The following RAP1GAP2 variants were observed in gnomAD, a reference collection of about 807,000 sequenced individuals.
RAP1GAP2 encodes RAP1 GTPase activating protein 2.
In RAP1GAP2, 27 loss-of-function variants were observed where a neutral mutation model predicts 95.0. The observed-to-expected ratio is 0.28, with a 90% CI of 0.21 to 0.39. The LOEUF is 0.39. RAP1GAP2 is among the 10% of genes least tolerant of loss of function. The probability of loss-of-function intolerance (pLI) is 1.00; values close to 1 mark genes in which losing one functional copy is unlikely to be tolerated. For missense variants in RAP1GAP2, 771 were observed against 970.0 expected (o/e 0.79, Z 2.72); for synonymous variants, 373 against 380.9 (o/e 0.98, Z 0.24).
chr17:2,906,671 G>T lies in RAP1GAP2; in HGVS notation c.165+1303G>T, dbSNP rs1277279362. 2.0e-5 allele frequency among the ~76,000 whole-genome samples: 3 copies of T among 152,054 alleles called. No homozygotes were observed. The highest frequency in any genetic ancestry group is 2.9e-5 in the Non-Finnish European group (2 of 68,024). On this transcript the variant is annotated intron_variant, in intron 3 of 24. Transcript: ENST00000254695. This position sits in a 1 kb window ranked among gnomAD's most constrained non-coding sequence, Gnocchi z 4.3. ...GCTAAGAAGCCTGTCACCATTCCGA[G>T]TGTCCCCTTGGTCTACAAAGGTGGC...
intron 24 of RAP1GAP2, 145 bp downstream of exon 24, chr17:3,032,594 A>G: frequency 1.3e-6 from 1 of 796,368 alleles, no homozygotes. Flanking sequence ...CTCGCCCCTG[A>G]AGACCTGCAA....
chr17:2,790,956 G>A (rs2068908985), intron 1 of RAP1GAP2, among the ~76,000 whole-genome samples: 1 of 152,256 alleles, frequency 6.6e-6, no homozygotes, highest in African/African-American at 2.4e-5. Flanking sequence ...TGTAATCCCA[G>A]CACTTTGGGA....
intron 13 of RAP1GAP2, 117 bp downstream of exon 13, chr17:2,995,583 T>A: frequency 7.2e-7 from 1 of 1,387,888 alleles, no homozygotes; most frequent in South Asian, 1.3e-5. Context: ...AGCCGGCCAT[T>A]CGTTCAGCTG....
chr17:2,962,828 T>A, intron 5 of RAP1GAP2, 114 bp downstream of exon 5: 3 of 1,027,804 alleles, frequency 2.9e-6, no homozygotes, highest in Middle Eastern at 3.1e-4. Context: ...CCTGTCTAAC[T>A]CTGACTCGCA....
chr17:2,808,452 G>A (rs188960861), intron 2 of RAP1GAP2, among the ~76,000 whole-genome samples: 1 of 152,150 alleles, frequency 6.6e-6, no homozygotes, highest in Non-Finnish European at 1.5e-5. Flanking sequence ...CTCCTGTTTG[G>A]TCTGTCTGAG....
At chr17:2,860,362 C>T (rs1467264016) in intron 2 of RAP1GAP2, among the ~76,000 whole-genome samples, 2 of 152,150 alleles carry the variant, frequency 1.3e-5, no homozygotes, top group Admixed American at 6.5e-5. Context: ...CTATTCACTT[C>T]ACCAAAGGTC....
At chr17:2,917,121 C>T (rs2042597781) in intron 3 of RAP1GAP2, among the ~76,000 whole-genome samples, 1 of 152,216 alleles carries the variant, frequency 6.6e-6, no homozygotes, top group African/African-American at 2.4e-5. Context: ...ATCCTGCCTG[C>T]CACAGGGGCG....
At chr17:2,890,365 G>A (rs2073665864) in intron 2 of RAP1GAP2, among the ~76,000 whole-genome samples, 1 of 152,122 alleles carries the variant, frequency 6.6e-6, no homozygotes, top group Non-Finnish European at 1.5e-5. Flanking sequence ...ACCAATGATG[G>A]AAGCTCCTAA....
chr17:2,928,394 G>T (rs1195131570), intron 3 of RAP1GAP2, among the ~76,000 whole-genome samples: 1 of 152,088 alleles, frequency 6.6e-6, no homozygotes, highest in African/African-American at 2.4e-5. Context: ...GAGGACCAGG[G>T]GCACCCTCTG....
chr17:3,003,061 C>T lies in RAP1GAP2; in HGVS notation c.1201-2308C>T, dbSNP rs1207385363. 1.3e-5 allele frequency among the ~76,000 whole-genome samples: 2 copies of T among 152,136 alleles called. No individual in the cohort carries two copies. Among genetic ancestry groups the T allele is most frequent in the East Asian group, 1.9e-4 (1 of 5,188 alleles). On this transcript the variant is annotated intron_variant, in intron 14 of 24. Coordinates refer to ENST00000254695, the MANE Select transcript of RAP1GAP2 (RefSeq NM_015085.5). This position sits in a 1 kb window ranked among gnomAD's most constrained non-coding sequence, Gnocchi z 4.1. ...CCAGGCACGGTGCTGGGTCCTTAGACGCACAGTCTTGAATCCTGACAAGCC... is the reference window on the plus strand; with the variant it reads ...CCAGGCACGGTGCTGGGTCCTTAGATGCACAGTCTTGAATCCTGACAAGCC...
rs1045009887 is a variant in RAP1GAP2 at position 3,008,590 on chromosome 17, C to T, written c.1494+445C>T. On this transcript the variant is annotated intron_variant, in intron 17 of 24. Transcript: ENST00000254695. This position sits in a 1 kb window ranked among gnomAD's most constrained non-coding sequence, Gnocchi z 4.2. Reference sequence around the variant, plus strand: ...CAGTGATTCTTCCTAGCCAGCCGGCCGAGCATTGGAAGACCTGGCTGGGCA... The same window carrying T: ...CAGTGATTCTTCCTAGCCAGCCGGCTGAGCATTGGAAGACCTGGCTGGGCA... Among the ~76,000 whole-genome samples the T allele has an allele frequency of 1.3e-4, 20 of 152,154 alleles. No homozygotes were observed. The highest frequency in any genetic ancestry group is 4.1e-4 in the African/African-American group (17 of 41,424).
intron 1 of RAP1GAP2, among the ~76,000 whole-genome samples, chr17:2,779,643 C>CAGAGGAGGGCGAGGGG (rs145979384): frequency 0.11 from 16,153 of 151,796 alleles, 1,136 homozygotes; most frequent in East Asian, 0.34. Flanking sequence ...CAGCACTGGG[C>CAGAGGAGGGCGAGGGG]AGAGGAGGGC....
Position 2,963,348 on chromosome 17 carries a change from C to T in RAP1GAP2, c.247-82C>T. 1.3e-6 allele frequency: 2 copies of T among 1,524,428 alleles called. No homozygotes were observed. Among genetic ancestry groups the T allele is most frequent in the East Asian group, 4.5e-5 (2 of 44,218 alleles). The allele number at this position is 1,524,428 out of a possible 1,614,324, so 94.4% of individuals were successfully genotyped here. A position where few individuals can be genotyped will look rare whatever the true frequency, so the allele number is the denominator to read the frequency against. ...CTCAAAGCCCCCCCACAACATATCC[C>T]CCTTGCAAGACCTGGAAACAGTGGT... On this transcript the variant is annotated intron_variant, in intron 5 of 24. Transcript: ENST00000254695. The surrounding 1 kb of genome is among the most constrained non-coding windows in gnomAD (Gnocchi z 4.8).
At chr17:2,839,066 G>A (rs995496214) in intron 2 of RAP1GAP2, among the ~76,000 whole-genome samples, 1 of 152,102 alleles carries the variant, frequency 6.6e-6, no homozygotes, top group African/African-American at 2.4e-5. Context: ...ACTTTTGGAG[G>A]CCAAGGCAGG....
In RAP1GAP2 at chr17:3,003,298, A is replaced by G. The variant is rs1353950849; in HGVS notation, c.1201-2071A>G. ...CATCACTCTGGATTATTTTTCAGAA[A>G]TGAGTGTAGTCCTCATCCTGCCTGC... is the stretch of plus-strand genomic sequence containing the variant. On this transcript the variant is annotated intron_variant, in intron 14 of 24. Coordinates refer to ENST00000254695, the MANE Select transcript of RAP1GAP2 (RefSeq NM_015085.5). The surrounding 1 kb of genome is among the most constrained non-coding windows in gnomAD (Gnocchi z 4.1). Among the ~76,000 whole-genome samples the G allele has an allele frequency of 6.6e-6, 1 of 152,126 alleles. No homozygotes were observed. Among genetic ancestry groups the G allele is most frequent in the Non-Finnish European group, 1.5e-5 (1 of 68,018 alleles).
rs954521775 is a variant in RAP1GAP2, at chr17:2,871,667, G to T, written c.81-33617G>T. 6.6e-6 allele frequency among the ~76,000 whole-genome samples: 1 copy of T among 152,122 alleles called. No homozygotes were observed. The highest frequency in any genetic ancestry group is 1.5e-5 in the Non-Finnish European group (1 of 68,014). The stretch of plus-strand genomic sequence containing the variant: ...CCTCACCTTCATGCTGATTTCATTG[G>T]GGTTCAATTGGTACCATCCCATGGG... On this transcript the variant is annotated intron_variant, in intron 2 of 24. Coordinates refer to ENST00000254695, the MANE Select transcript of RAP1GAP2 (RefSeq NM_015085.5). This position sits in a 1 kb window ranked among gnomAD's most constrained non-coding sequence, Gnocchi z 5.0.
At chr17:2,786,640 A>ATT (rs35938193) in intron 1 of RAP1GAP2, among the ~76,000 whole-genome samples, 2 of 144,808 alleles carry the variant, frequency 1.4e-5, no homozygotes, top group African/African-American at 5.1e-5. Context: ...TTTTTCTTCA[A>ATT]TTTTTTTTTT....
At chr17:2,781,756 CTG>C (rs530150375) in intron 1 of RAP1GAP2, among the ~76,000 whole-genome samples, 51 of 131,632 alleles carry the variant, frequency 3.9e-4, no homozygotes, top group African/African-American at 1.2e-3. Flanking sequence ...GAGTACGTCT[CTG>C]TGTGTGCACG....
Position 2,904,655 on chromosome 17 carries a change from C to T in RAP1GAP2, c.81-629C>T, listed in dbSNP as rs757211153. On this transcript the variant is annotated intron_variant, in intron 2 of 24. Transcript: ENST00000254695. This position sits in a 1 kb window ranked among gnomAD's most constrained non-coding sequence, Gnocchi z 4.7. ...AGCCCCAGTCCTGGATCTCTTTAGC[C>T]CCGTGGTTCTCAGACTTTGCCGTGT... 5.3e-5 allele frequency among the ~76,000 whole-genome samples: 8 copies of T among 151,424 alleles called. No homozygotes were observed. Among genetic ancestry groups the T allele is most frequent in the Non-Finnish European group, 1.0e-4 (7 of 67,944 alleles).
Sources: allele counts gnomAD v4.1 joint callset (sites outside exome capture counted in the v4.1 genomes callset), GRCh38; gene constraint gnomAD v4.1.1; non-coding constraint Gnocchi (gnomAD v3.1); transcripts MANE v1.5; gene names NCBI Gene and HGNC (gene_info 2026-07-23, HGNC 2026-07-21).